The following MSH5 variants were observed in gnomAD, a reference collection of about 807,000 sequenced individuals.
The protein encoded by MSH5 is mutS protein homolog 5.
MSH5 carries 78 observed loss-of-function variants against 107.7 expected under a neutral mutation model. That is an observed-to-expected ratio of 0.72 (90% CI 0.60 to 0.87). The LOEUF is 0.87. Ranked by LOEUF, MSH5 falls within the 40% of genes least tolerant of loss-of-function variation. The pLI is 0.00. For synonymous variants in MSH5, 326 were observed against 399.5 expected (o/e 0.82, Z 2.19); for missense variants, 889 against 1,046.6 (o/e 0.85, Z 2.08).
At position 31,761,263 on chromosome 6, in the gene MSH5, G is replaced by T; in HGVS notation, c.2037+1G>T. On this transcript the variant is annotated splice_donor_variant, in intron 21 of 24. Transcript: ENST00000375750. LOFTEE classifies it high-confidence loss of function. The surrounding 1 kb of genome is among the most constrained non-coding windows in gnomAD (Gnocchi z 5.3). ...TGAATTTGGAAAGGGAACCAACACG[G>T]TGAGGGGAGAAACTGATGAGGGGAG... 6.2e-7 allele frequency: 1 copy of T among 1,613,630 alleles called. No individual in the cohort carries two copies. The highest frequency in any genetic ancestry group is 8.5e-7 in the Non-Finnish European group (1 of 1,179,982).
rs17207503 is a variant in MSH5, at chr6:31,758,479, G to A, written c.1144-69G>A. On this transcript the variant is annotated intron_variant, in intron 13 of 24. Coordinates refer to ENST00000375750, the MANE Select transcript of MSH5 (RefSeq NM_172166.4). The surrounding 1 kb of genome is among the most constrained non-coding windows in gnomAD (Gnocchi z 5.1). ...TAAAGGAGGACTGCAGGGAGAATTG[G>A]GGCCCAAGGAGAGCTGAGGAACAGG... 6.7e-3 allele frequency: 10,701 copies of A among 1,589,244 alleles called. 514 individuals are homozygous for A. The South Asian group carries it at 0.085, about 13-fold the overall frequency.
intron 3 of MSH5, among the ~76,000 whole-genome samples, chr6:31,742,417 C>A (rs552568574): frequency 1.3e-5 from 2 of 152,292 alleles, no homozygotes; most frequent in East Asian, 3.9e-4. Flanking sequence ...GCCATCACGC[C>A]TGGCTAATTT....
chr6:31,759,356 T>G lies in MSH5; in HGVS notation c.1408-69T>G. The G allele has an allele frequency of 6.5e-7, 1 of 1,532,250 alleles. No homozygotes were observed. 94.9% of individuals were successfully genotyped at this position (1,532,250 alleles called of 1,614,324 possible). A position where few individuals can be genotyped will look rare whatever the true frequency, so the allele number is the denominator to read the frequency against. Reference sequence around the variant, plus strand: ...TCAGAGTTAGGGGCTGGAGGTGGGGTTAGAAAGATGGGGAAGGAGAGGAGG... The same window carrying G: ...TCAGAGTTAGGGGCTGGAGGTGGGGGTAGAAAGATGGGGAAGGAGAGGAGG... On this transcript the variant is annotated intron_variant, in intron 16 of 24. Transcript: ENST00000375750. The surrounding 1 kb of genome is among the most constrained non-coding windows in gnomAD (Gnocchi z 4.7).
intron 8 of MSH5, 85 bp downstream of exon 8, chr6:31,744,666 T>G: frequency 6.9e-7 from 1 of 1,447,852 alleles, no homozygotes; most frequent in South Asian, 1.1e-5. Context: ...AGGCTCTAGT[T>G]TCCCTAATCC....
intron 3 of MSH5, among the ~76,000 whole-genome samples, chr6:31,741,864 C>T (rs1158514236): frequency 6.6e-6 from 1 of 152,006 alleles, no homozygotes; most frequent in Non-Finnish European, 1.5e-5. Flanking sequence ...TGCTTCAACT[C>T]ATGGAAGAAG....
At chr6:31,742,383 G>A (rs1182474474) in intron 3 of MSH5, among the ~76,000 whole-genome samples, 1 of 152,006 alleles carries the variant, frequency 6.6e-6, no homozygotes, top group Admixed American at 6.6e-5. Flanking sequence ...TCAGTCTCCC[G>A]AGTAGCTGGG....
chr6:31,761,447 A>G lies in MSH5; in HGVS notation c.2038-25A>G. On this transcript the variant is annotated intron_variant, in intron 21 of 24. Coordinates refer to ENST00000375750, the MANE Select transcript of MSH5 (RefSeq NM_172166.4). This position sits in a 1 kb window ranked among gnomAD's most constrained non-coding sequence, Gnocchi z 5.3. ...GCATATGGGGTCCCCATGGCTCCGA[A>G]TGCTAACCTCTGCCCTCTTTGCAGG... The G allele has an allele frequency of 1.2e-6, 2 of 1,612,166 alleles. No homozygotes were observed. The highest frequency in any genetic ancestry group is 8.5e-7 in the Non-Finnish European group (1 of 1,179,898).
At chr6:31,748,814 A>C (rs1354351996) in intron 10 of MSH5, among the ~76,000 whole-genome samples, 3 of 152,080 alleles carry the variant, frequency 2.0e-5, no homozygotes, top group Non-Finnish European at 4.4e-5. Flanking sequence ...GCCCCTTCTA[A>C]GTCCTTTCCT....
At chr6:31,747,486 T>C in intron 10 of MSH5, 54 bp downstream of exon 10, 4 of 1,564,056 alleles carry the variant, frequency 2.6e-6, no homozygotes, top group Non-Finnish European at 2.6e-6. Flanking sequence ...ATATGCACAC[T>C]ACATACTAAA....
At chr6:31,747,236 G>C (rs778056524) in intron 9 of MSH5, 151 bp from the exon 10 acceptor site, 1 of 719,822 alleles carries the variant, frequency 1.4e-6, no homozygotes, top group Non-Finnish European at 2.4e-6. Flanking sequence ...TTGTGGCCAG[G>C]CACCAGCTTT....
chr6:31,743,278 A>T, intron 5 of MSH5, 108 bp downstream of exon 5: 1 of 1,216,954 alleles, frequency 8.2e-7, no homozygotes, highest in Non-Finnish European at 1.2e-6. Flanking sequence ...TGTCATCCTA[A>T]ACCTTTGTGC....
Position 31,759,380 on chromosome 6 carries a change from G to A in MSH5, c.1408-45G>A. On this transcript the variant is annotated intron_variant, in intron 16 of 24. Transcript: ENST00000375750. The surrounding 1 kb of genome is among the most constrained non-coding windows in gnomAD (Gnocchi z 4.7). ...GTTAGAAAGATGGGGAAGGAGAGGA[G>A]GACCAAGAGATGCAAAGTCCACAGC... The A allele has an allele frequency of 6.3e-7, 1 of 1,591,020 alleles. No homozygotes were observed. The highest frequency in any genetic ancestry group is 8.6e-7 in the Non-Finnish European group (1 of 1,160,904).
Position 31,758,964 on chromosome 6 carries a change from T to A in MSH5, c.1326+89T>A. On this transcript the variant is annotated intron_variant, in intron 15 of 24. Transcript: ENST00000375750. The surrounding 1 kb of genome is among the most constrained non-coding windows in gnomAD (Gnocchi z 5.1). ...AGACATACTGGTAGATAAGAAAACT[T>A]GTGGGGCAGCCTGAAGAACATGAAC... The A allele has an allele frequency of 7.0e-7, 1 of 1,431,288 alleles. No individual in the cohort carries two copies. The highest frequency in any genetic ancestry group is 1.7e-5 in the Admixed American group (1 of 58,730). The allele number at this position is 1,431,288 out of a possible 1,614,324, so 88.7% of individuals were successfully genotyped here. A position where few individuals can be genotyped will look rare whatever the true frequency, so the allele number is the denominator to read the frequency against.
intron 10 of MSH5, among the ~76,000 whole-genome samples, chr6:31,749,826 C>A (rs1303804009): frequency 1.3e-5 from 2 of 152,168 alleles, no homozygotes; most frequent in Non-Finnish European, 2.9e-5. Context: ...CAAATGTAAA[C>A]GCACTGGTGA....
At position 31,744,194 on chromosome 6, in the gene MSH5, G is replaced by A. The variant is rs373533126; in HGVS notation, c.542G>A (p.Arg181Gln). The A allele has an allele frequency of 4.3e-6, 7 of 1,611,232 alleles. No individual in the cohort carries two copies. The highest frequency in any genetic ancestry group is 1.3e-5 in the African/African-American group (1 of 74,800). The change falls in exon 7 of 25, where the codon CGA becomes CAA. Residue 181 changes from arginine (R) to glutamine (Q), a missense_variant. Around this residue, in one of 3 missense-constraint regions of MSH5, gnomAD observed 518 missense variants for 565.0 expected, o/e 0.92. Coordinates refer to ENST00000375750, the MANE Select transcript of MSH5 (RefSeq NM_172166.4). The stretch of plus-strand genomic sequence containing the variant: ...CCACTGCTGATCCCCTCCCAGGTTC[G>A]AGCACTTGGAGGGCTGCTGAAGTTC... ...IIPFDCLLTV[R>Q]ALGGLLKFLG...
Position 31,743,912 on chromosome 6 carries a change from A to T in MSH5, c.424A>T (p.Ile142Leu). The part of the protein sequence containing the change: ...FLPSVDFGLE[I>L]SKQRLLSGNY... ...TTGCCTCCCTCAAATAGGTCTGGAGATAAGCAAACAACGCCTCCTTTCTGG... is the reference window on the plus strand; with the variant it reads ...TTGCCTCCCTCAAATAGGTCTGGAGTTAAGCAAACAACGCCTCCTTTCTGG... The change falls in exon 6 of 25, where the codon ATA (isoleucine) becomes TTA (leucine). Residue 142 changes from isoleucine to leucine, a missense_variant. By Grantham distance (5) the Ile-to-Leu change is conservative. Around this residue, in one of 3 missense-constraint regions of MSH5, gnomAD observed 518 missense variants for 565.0 expected, o/e 0.92. Coordinates refer to ENST00000375750, the MANE Select transcript of MSH5 (RefSeq NM_172166.4). 1 of 1,613,246 alleles carries T rather than the reference A, an allele frequency of 6.2e-7. No homozygotes were observed. Among genetic ancestry groups the T allele is most frequent in the South Asian group, 1.1e-5 (1 of 91,080 alleles).
Position 31,758,605 on chromosome 6 carries a change from C to T in MSH5, c.1201C>T (p.Pro401Ser). ...CTTCACAGTCCTCCCCAACATAGAT[C>T]CTGAAATTGATGAGAGTGAGTGTTG... ...NRFTVLPNIDPEIDEKKRRLM... is the reference protein window; with the variant it reads ...NRFTVLPNIDSEIDEKKRRLM... The change falls in exon 14 of 25, where the codon CCT becomes TCT. Residue 401 changes from proline to serine, a missense_variant. Pro to Ser is a moderately conservative substitution (Grantham distance 74). This residue lies in a region of MSH5 where 518 missense variants were observed against 565.0 expected (regional missense o/e 0.92). Coordinates refer to ENST00000375750, the MANE Select transcript of MSH5 (RefSeq NM_172166.4). The surrounding 1 kb of genome is among the most constrained non-coding windows in gnomAD (Gnocchi z 5.1). 6.2e-7 allele frequency: 1 copy of T among 1,613,988 alleles called. No homozygotes were observed. The highest frequency in any genetic ancestry group is 8.5e-7 in the Non-Finnish European group (1 of 1,180,038).
Position 31,743,111 on chromosome 6 carries a change from C to T in MSH5, c.356C>T (p.Ser119Phe). 1 of 1,613,006 alleles carries T rather than the reference C, an allele frequency of 6.2e-7. No homozygotes were observed. The highest frequency in any genetic ancestry group is 1.1e-5 in the South Asian group (1 of 91,080). The change falls in exon 5 of 25, where the codon TCC becomes TTC. Residue 119 changes from serine (S) to phenylalanine (F), a missense_variant. Physicochemically the swap from Ser to Phe is radical, Grantham distance 155. Around this residue, in one of 3 missense-constraint regions of MSH5, gnomAD observed 518 missense variants for 565.0 expected, o/e 0.92. Transcript: ENST00000375750. ...CCTTTTCTTTCCTCCCCCACAGCCT[C>T]CCAGGAGCACAGAGAGCCTAAAAGA... ...NMTRFLGKLA[S>F]QEHREPKRPE... is the part of the protein sequence containing the mutation.
Position 31,762,107 on chromosome 6 carries a change from C to T in MSH5, c.2320-5C>T, listed in dbSNP as rs1167706297. 1 of 1,614,186 alleles carries T rather than the reference C, an allele frequency of 6.2e-7. No individual in the cohort carries two copies. The highest frequency in any genetic ancestry group is 8.5e-7 in the Non-Finnish European group (1 of 1,180,020). ...TACTCCTCCCACCTTCTTGCTTGTT[C>T]CTAGGTCTCAGACTTGATCCGCAGT... On this transcript the variant is annotated splice_region_variant and splice_polypyrimidine_tract_variant and intron_variant, in intron 23 of 24. Transcript: ENST00000375750.
Sources: gnomAD v4.1 joint callset for allele counts (sites outside exome capture counted in the v4.1 genomes callset) on GRCh38, gnomAD v4.1.1 for gene constraint, gnomAD v4.1.1 regional missense constraint, Gnocchi (gnomAD v3.1) non-coding constraint, MANE v1.5 for transcripts, NCBI Gene and HGNC (gene_info 2026-07-23, HGNC 2026-07-21) for gene names.